Variants in CHD6 observed in about 807,000 individuals in gnomAD.
The protein encoded by CHD6 is chromodomain helicase DNA binding protein 6, also known as ATP-dependent chromatin remodeler CHD6.
CHD6 carries 50 observed loss-of-function variants against 276.9 expected under a neutral mutation model. The ratio of observed to expected loss-of-function variants is 0.18; its 90% CI spans 0.14 to 0.23. The LOEUF is 0.23. Among genes scored for constraint, CHD6 ranks in the 10% least tolerant of loss-of-function variants. The pLI, the probability that CHD6 is intolerant of heterozygous loss-of-function variation, is 1.00. For missense variants in CHD6, 2,564 were observed against 3,365.8 expected, an observed-to-expected ratio of 0.76 and a Z score of 5.89; for synonymous variants, 1,173 against 1,229.3, an observed-to-expected ratio of 0.95 and a Z score of 0.96.
intron 23 of CHD6, among the ~76,000 whole-genome samples, chr20:41,448,629 G>A (rs979589316): frequency 1.3e-5 from 2 of 152,122 alleles, no homozygotes; most frequent in Non-Finnish European, 2.9e-5. Flanking sequence ...AGCCGTTATC[G>A]TGCTCTTGGG....
chr20:41,522,404 C>A (rs966505589), intron 3 of CHD6, among the ~76,000 whole-genome samples: 1 of 152,086 alleles, frequency 6.6e-6, no homozygotes, highest in Non-Finnish European at 1.5e-5. Flanking sequence ...AGAAAAGATG[C>A]GCATGGTGCA....
At chr20:41,589,426 C>T (rs1043468091) in intron 1 of CHD6, among the ~76,000 whole-genome samples, 21 of 152,262 alleles carry the variant, frequency 1.4e-4, no homozygotes, top group South Asian at 1.0e-3. Flanking sequence ...GGAAGTCAAA[C>T]CGTCCCTGTT....
intron 3 of CHD6, among the ~76,000 whole-genome samples, chr20:41,518,423 T>C (rs1481238251): frequency 6.6e-6 from 1 of 152,130 alleles, no homozygotes; most frequent in African/African-American, 2.4e-5. Context: ...AGGAGACTTG[T>C]GTGCATTTTG....
At chr20:41,587,968 T>C (rs937529893) in intron 1 of CHD6, among the ~76,000 whole-genome samples, 2 of 151,868 alleles carry the variant, frequency 1.3e-5, no homozygotes, top group Non-Finnish European at 2.9e-5. Flanking sequence ...GGAGGAGCCA[T>C]GAGGGAGGGA....
chr20:41,481,465 T>C (rs1333718511), intron 16 of CHD6, among the ~76,000 whole-genome samples: 3 of 151,768 alleles, frequency 2.0e-5, no homozygotes, highest in African/African-American at 7.3e-5. Flanking sequence ...TATGAAAAAA[T>C]ACTCACTCTC....
chr20:41,561,604 T>A (rs181435128), intron 1 of CHD6, among the ~76,000 whole-genome samples: 6 of 152,330 alleles, frequency 3.9e-5, no homozygotes, highest in Admixed American at 2.0e-4. Context: ...AGGTTTACAC[T>A]CTCATTTTAG....
At chr20:41,570,584 G>A (rs2045405870) in intron 1 of CHD6, among the ~76,000 whole-genome samples, 1 of 152,166 alleles carries the variant, frequency 6.6e-6, no homozygotes, top group African/African-American at 2.4e-5. Flanking sequence ...TTTTTACAAG[G>A]CAGTCATTCT....
chr20:41,591,394 AC>A lies in CHD6; in HGVS notation c.-24+26945del, dbSNP rs1479530835. 7.3e-5 allele frequency among the ~76,000 whole-genome samples: 11 copies of A among 151,548 alleles called. No homozygotes were observed. In the East Asian group the frequency reaches 2.1e-3, roughly 29 times the overall value. ...TATATATATATACACACACACACAC[AC>A]ACACACACACACATATATATATACA... On this transcript the variant is annotated intron_variant, in intron 1 of 36. Transcript: ENST00000373233.
At chr20:41,589,257 T>C (rs2045630220) in intron 1 of CHD6, among the ~76,000 whole-genome samples, 1 of 152,148 alleles carries the variant, frequency 6.6e-6, no homozygotes, top group South Asian at 2.1e-4. Flanking sequence ...CCACAGCCAA[T>C]ATCATACTGA....
chr20:41,595,641 G>A (rs1435797611), intron 1 of CHD6, among the ~76,000 whole-genome samples: 1 of 152,060 alleles, frequency 6.6e-6, no homozygotes, highest in Non-Finnish European at 1.5e-5. Flanking sequence ...AAATATAAAG[G>A]ACTAGACAGA....
intron 1 of CHD6, among the ~76,000 whole-genome samples, chr20:41,578,468 A>G (rs2045497840): frequency 6.6e-6 from 1 of 152,170 alleles, no homozygotes; most frequent in Non-Finnish European, 1.5e-5. Flanking sequence ...TCTTCTTACA[A>G]TGTAGCAATA....
At chr20:41,504,066 A>AG (rs1411113434) in intron 5 of CHD6, among the ~76,000 whole-genome samples, 2 of 124,334 alleles carry the variant, frequency 1.6e-5, no homozygotes, top group African/African-American at 6.3e-5. Flanking sequence ...TGATAGAGTG[A>AG]GACTCTGTCT....
rs1295592358 is a variant in CHD6, at chr20:41,404,597, T to C, written c.8144A>G (p.Asn2715Ser). The change falls in exon 37 of 37, where the codon AAT becomes AGT. Residue 2715 changes from asparagine to serine, a missense_variant. Transcript: ENST00000373233. ...ATTTCTTAAATGAAAAAAGTTCTAA[T>C]TGGTGTCGTTGTTGGAGTCTTTGAG... ...GALKDSNNDTN is the reference protein window; with the variant it reads ...GALKDSNNDTS The C allele has an allele frequency of 1.4e-6, 2 of 1,476,716 alleles. No individual in the cohort carries two copies. Among genetic ancestry groups the C allele is most frequent in the Non-Finnish European group, 1.8e-6 (2 of 1,111,656 alleles). 91.5% of individuals were successfully genotyped at this position (1,476,716 alleles called of 1,614,324 possible).
intron 1 of CHD6, among the ~76,000 whole-genome samples, chr20:41,578,116 A>C (rs762349378): frequency 1.1e-4 from 16 of 152,168 alleles, no homozygotes; most frequent in Non-Finnish European, 2.4e-4. Flanking sequence ...TCCTCAACCA[A>C]ATAAACTTTA....
intron 25 of CHD6, among the ~76,000 whole-genome samples, chr20:41,442,414 T>C (rs908472099): frequency 6.6e-6 from 1 of 152,176 alleles, no homozygotes; most frequent in Non-Finnish European, 1.5e-5. Context: ...ATCACACCAC[T>C]GTACTCCAGC....
At position 41,497,404 on chromosome 20, in the gene CHD6, T is replaced by C; in HGVS notation, c.1072A>G (p.Met358Val). ...TTCACCTCCGTAAAAATGTGCTTCA[T>C]CTGGGCTTGTTTATTCCTAAATCGC... ...IKRFRNKQAQ[M>V]KHIFTEPDED... Residue 358 changes from methionine to valine, a missense_variant, in exon 8 of 37, where the codon ATG becomes GTG. Around this residue, in one of 7 missense-constraint regions of CHD6, gnomAD observed 457 missense variants for 889.0 expected, o/e 0.51. Coordinates refer to ENST00000373233, the MANE Select transcript of CHD6 (RefSeq NM_032221.5). 1 of 1,613,070 alleles carries C rather than the reference T, an allele frequency of 6.2e-7. No individual in the cohort carries two copies. The highest frequency in any genetic ancestry group is 1.1e-5 in the South Asian group (1 of 91,060).
intron 1 of CHD6, among the ~76,000 whole-genome samples, chr20:41,601,714 C>T (rs1037522301): frequency 3.1e-4 from 47 of 152,230 alleles, no homozygotes; most frequent in African/African-American, 1.1e-3. Context: ...CCCTGTGCCT[C>T]AGTTTCCTCA....
At chr20:41,605,802 A>G (rs2045821433) in intron 1 of CHD6, among the ~76,000 whole-genome samples, 1 of 152,242 alleles carries the variant, frequency 6.6e-6, no homozygotes, top group Non-Finnish European at 1.5e-5. Flanking sequence ...ATTCCTAAAG[A>G]AGATTCTATT....
At chr20:41,431,655 T>TA (rs2047541099) in intron 27 of CHD6, among the ~76,000 whole-genome samples, 1 of 151,836 alleles carries the variant, frequency 6.6e-6, no homozygotes, top group African/African-American at 2.4e-5. Context: ...ATTCTTTAAG[T>TA]ATAATTAAAC....
Sources: gnomAD v4.1 joint callset for allele counts (sites outside exome capture counted in the v4.1 genomes callset) on GRCh38, gnomAD v4.1.1 for gene constraint, gnomAD v4.1.1 regional missense constraint, MANE v1.5 for transcripts, NCBI Gene and HGNC (gene_info 2026-07-23, HGNC 2026-07-21) for gene names.